Variants in TEX101 observed in about 807,000 individuals in gnomAD.
TEX101 encodes testis-expressed protein 101.
Under a neutral mutation model 18.1 loss-of-function variants are expected in TEX101, and 10 were observed. That is an observed-to-expected ratio of 0.55 (90% CI 0.34 to 0.94). The LOEUF (loss-of-function observed/expected upper bound fraction) is 0.94. TEX101 is among the 40% of genes least tolerant of loss of function. TEX101 has a pLI of 0.02. For synonymous variants in TEX101, 94 were observed against 114.8 expected, an observed-to-expected ratio of 0.82 and a Z score of 1.16; for missense variants, 259 against 298.9, an observed-to-expected ratio of 0.87 and a Z score of 0.98.
At chr19:43,414,246 G>A (rs143646299), upstream of TEX101, among the ~76,000 whole-genome samples, 1,070 of 152,316 alleles carry the variant, frequency 7.0e-3, 6 homozygotes, top group Non-Finnish European at 0.013. Context: ...TCATGGTCCT[G>A]ACACGGACGC....
intron 3 of TEX101, among the ~76,000 whole-genome samples, chr19:43,408,730 C>A (rs532275827): frequency 6.6e-6 from 1 of 152,198 alleles, no homozygotes; most frequent in African/African-American, 2.4e-5. Context: ...GGGAGGGCTG[C>A]ACTATCAGAG....
chr19:43,404,655 A>G (rs1389369462), intron 2 of TEX101, among the ~76,000 whole-genome samples: 2 of 151,796 alleles, frequency 1.3e-5, no homozygotes, highest in African/African-American at 4.8e-5. Flanking sequence ...ATCTAGATAC[A>G]TGTGTATGTA....
the TEX101 span, among the ~76,000 whole-genome samples, chr19:43,394,908 TA>T: frequency 6.6e-6 from 1 of 152,234 alleles, no homozygotes; most frequent in Non-Finnish European, 1.5e-5. Flanking sequence ...GCTTTTCCTC[TA>T]CCCACTTAGG....
intron 3 of TEX101, among the ~76,000 whole-genome samples, chr19:43,409,132 A>G (rs1970397048): frequency 6.6e-6 from 1 of 152,240 alleles, no homozygotes; most frequent in Non-Finnish European, 1.5e-5. Flanking sequence ...GTAGGTTCAG[A>G]GAAACTTCAG....
chr19:43,414,593 A>G (rs1039864050), upstream of TEX101, among the ~76,000 whole-genome samples: 5 of 152,148 alleles, frequency 3.3e-5, no homozygotes, highest in African/African-American at 1.2e-4. Flanking sequence ...TGGCTGGAGA[A>G]GCAGAGACAA....
the TEX101 span, among the ~76,000 whole-genome samples, chr19:43,390,154 C>G: frequency 6.6e-6 from 1 of 152,086 alleles, no homozygotes; most frequent in Non-Finnish European, 1.5e-5. Context: ...ATTACATTTC[C>G]TTTTTCTGTT....
upstream of TEX101, among the ~76,000 whole-genome samples, chr19:43,401,344 A>T (rs1380672810): frequency 6.6e-6 from 1 of 152,248 alleles, no homozygotes; most frequent in African/African-American, 2.4e-5. Context: ...AGGTCAATTA[A>T]CAAACCTATA....
chr19:43,406,324 G>A, exon 3 of TEX101: 3 of 562,100 alleles, frequency 5.3e-6, no homozygotes, highest in Admixed American at 3.3e-5. Flanking sequence ...AATTAGTGAC[G>A]CGCGCGAATG....
chr19:43,400,722 T>A (rs1970311456), upstream of TEX101, among the ~76,000 whole-genome samples: 1 of 152,172 alleles, frequency 6.6e-6, no homozygotes, highest in African/African-American at 2.4e-5. Flanking sequence ...ATGGCTTAGC[T>A]CTTGTGTTTT....
intron 2 of TEX101, among the ~76,000 whole-genome samples, chr19:43,403,082 C>T (rs1467040093): frequency 3.3e-5 from 5 of 152,100 alleles, no homozygotes; most frequent in Admixed American, 2.0e-4. Flanking sequence ...TGCCATCTGG[C>T]GATAAAGAGT....
upstream of TEX101, among the ~76,000 whole-genome samples, chr19:43,399,839 C>A (rs1599895384): frequency 7.0e-6 from 1 of 142,936 alleles, no homozygotes; most frequent in African/African-American, 2.6e-5. Context: ...CGAAGTTTCA[C>A]TCTTGTCAGC....
At chr19:43,395,931 G>T in the TEX101 span, among the ~76,000 whole-genome samples, 1 of 152,192 alleles carries the variant, frequency 6.6e-6, no homozygotes, top group Non-Finnish European at 1.5e-5. Context: ...CCTGAGCCAG[G>T]TGTGCATTGA....
upstream of TEX101, chr19:43,401,452 G>A (rs1970317183): frequency 6.6e-6 from 1 of 152,230 alleles, no homozygotes; most frequent in Non-Finnish European, 1.5e-5. Flanking sequence ...ACCATTAATG[G>A]TATTGAACAA....
intron 1 of TEX101, among the ~76,000 whole-genome samples, 191 bp downstream of exon 1, chr19:43,415,229 G>A (rs1238535277): frequency 2.7e-5 from 3 of 112,072 alleles, no homozygotes; most frequent in Non-Finnish European, 6.8e-5. Flanking sequence ...ATGAGGCTGG[G>A]GCTGGGGCTG....
chr19:43,395,769 T>C, the TEX101 span, among the ~76,000 whole-genome samples: 4 of 152,242 alleles, frequency 2.6e-5, no homozygotes, highest in African/African-American at 9.6e-5. Flanking sequence ...CAGCTGCCGT[T>C]GTGCATTTCA....
At chr19:43,407,549 T>C (rs752250918) in intron 3 of TEX101, among the ~76,000 whole-genome samples, 48 of 151,662 alleles carry the variant, frequency 3.2e-4, no homozygotes, top group African/African-American at 1.1e-3. Flanking sequence ...GATTAGACCA[T>C]GTGAGACAGG....
intron 2 of TEX101, chr19:43,406,144 G>A (rs1202448206): frequency 4.7e-6 from 1 of 212,312 alleles, no homozygotes; most frequent in Non-Finnish European, 9.0e-6. Context: ...CACTTTGGGA[G>A]GCACCTTGGG....
the TEX101 span, among the ~76,000 whole-genome samples, chr19:43,394,658 G>A: frequency 1.3e-5 from 2 of 152,068 alleles, no homozygotes. Context: ...TTTTAGTAGA[G>A]ACGGGGTTTC....
At chr19:43,396,678 A>G (rs948232838), upstream of TEX101, among the ~76,000 whole-genome samples, 5 of 152,168 alleles carry the variant, frequency 3.3e-5, no homozygotes, top group African/African-American at 7.2e-5. Context: ...AGAGCAGGTT[A>G]AGGAGTTTCC....
Sources: allele counts gnomAD v4.1 joint callset (sites outside exome capture counted in the v4.1 genomes callset), GRCh38; gene constraint gnomAD v4.1.1; transcripts MANE v1.5; gene names NCBI Gene and HGNC (gene_info 2026-07-23, HGNC 2026-07-21).